The following DESI2 variants were observed in gnomAD, a reference collection of about 807,000 sequenced individuals.
DESI2 encodes desumoylating isopeptidase 2.
A neutral mutation model predicts 24.1 loss-of-function variants in DESI2; 10 were observed. That is an observed-to-expected ratio of 0.41 (90% confidence interval 0.26 to 0.70). The LOEUF is 0.70. DESI2 is among the 30% of genes least tolerant of loss of function. The probability of loss-of-function intolerance (pLI) is 0.29; values close to 1 mark genes in which losing one functional copy is unlikely to be tolerated. For missense variants in DESI2, 122 were observed against 234.9 expected (o/e 0.52, Z 3.14); for synonymous variants, 71 against 87.7 (o/e 0.81, Z 1.06).
chr1:244,693,776 GA>G (rs1346045865), intron 4 of DESI2, among the ~76,000 whole-genome samples: 1 of 152,198 alleles, frequency 6.6e-6, no homozygotes, highest in Non-Finnish European at 1.5e-5. Context: ...TAAGTGACTT[GA>G]CCCAAGGTTA....
At chr1:244,664,020 GAAA>G (rs34195856) in intron 1 of DESI2, among the ~76,000 whole-genome samples, 229 of 89,370 alleles carry the variant, frequency 2.6e-3, no homozygotes, top group African/African-American at 9.7e-3. Flanking sequence ...TCCGTCTCAG[GAAA>G]AAAAAAAAAA....
chr1:244,662,096 C>G (rs922761230), intron 1 of DESI2, among the ~76,000 whole-genome samples: 2 of 152,204 alleles, frequency 1.3e-5, no homozygotes, highest in African/African-American at 2.4e-5. Context: ...TTAATGATCG[C>G]CATTCTAACT....
chr1:244,693,435 C>T (rs886645601), intron 4 of DESI2, among the ~76,000 whole-genome samples: 44 of 146,794 alleles, frequency 3.0e-4, no homozygotes, highest in Non-Finnish European at 5.7e-4. Context: ...ATTGTTTGTT[C>T]TTTTTTTTTT....
At chr1:244,665,566 G>A (rs561215041) in intron 1 of DESI2, among the ~76,000 whole-genome samples, 12 of 152,240 alleles carry the variant, frequency 7.9e-5, no homozygotes, top group East Asian at 1.9e-4. Context: ...GTAGACCATG[G>A]TACCCAGTTT....
At chr1:244,698,552 A>T (rs1345802211) in intron 4 of DESI2, among the ~76,000 whole-genome samples, 1 of 152,230 alleles carries the variant, frequency 6.6e-6, no homozygotes, top group African/African-American at 2.4e-5. Context: ...GCTGCCAAAG[A>T]AAAGTCTCTG....
intron 4 of DESI2, among the ~76,000 whole-genome samples, chr1:244,693,727 AGC>A (rs1486451561): frequency 1.3e-5 from 2 of 152,204 alleles, no homozygotes; most frequent in South Asian, 4.1e-4. Flanking sequence ...CACGGCGCCC[AGC>A]CTAACGCTGA....
At chr1:244,681,453 G>C (rs113590154) in intron 1 of DESI2, among the ~76,000 whole-genome samples, 1,706 of 151,794 alleles carry the variant, frequency 0.011, 35 homozygotes, top group African/African-American at 0.039. Flanking sequence ...TGGCATCAGG[G>C]ACTAGTTTCG....
intron 4 of DESI2, among the ~76,000 whole-genome samples, chr1:244,696,703 T>C (rs972844995): frequency 4.6e-5 from 7 of 152,210 alleles, no homozygotes; most frequent in Admixed American, 3.3e-4. Context: ...AAAACTGCTG[T>C]CCTTAGAAAG....
chr1:244,663,834 C>T (rs892154721), intron 1 of DESI2, among the ~76,000 whole-genome samples: 21 of 151,766 alleles, frequency 1.4e-4, no homozygotes, highest in East Asian at 3.9e-4. Context: ...CTGGCTAACA[C>T]GGTGAAACCC....
chr1:244,694,955 C>T (rs1382622704), intron 4 of DESI2, among the ~76,000 whole-genome samples: 1 of 152,188 alleles, frequency 6.6e-6, no homozygotes, highest in Non-Finnish European at 1.5e-5. Flanking sequence ...TGCTAAGTGG[C>T]TTAAACATTG....
intron 4 of DESI2, among the ~76,000 whole-genome samples, chr1:244,698,199 AGTT>A (rs771850668): frequency 3.9e-5 from 6 of 152,214 alleles, no homozygotes; most frequent in Non-Finnish European, 8.8e-5. Context: ...GCTGCAAAGA[AGTT>A]GTTAGTGGGA....
chr1:244,699,439 G>T (rs1018169381), intron 4 of DESI2, among the ~76,000 whole-genome samples: 2 of 151,630 alleles, frequency 1.3e-5, no homozygotes, highest in South Asian at 2.1e-4. Flanking sequence ...GAAATTAGCC[G>T]GGCATGGTGG....
In DESI2 at chr1:244,686,661, A is replaced by G. The variant is rs1383426599; in HGVS notation, c.107A>G (p.Tyr36Cys). The G allele has an allele frequency of 4.4e-6, 7 of 1,601,832 alleles. No homozygotes were observed. Among genetic ancestry groups the G allele is most frequent in the East Asian group, 2.2e-5 (1 of 44,838 alleles). The change falls in exon 2 of 5, where the codon TAT (tyrosine) becomes TGT (cysteine). Residue 36 changes from tyrosine to cysteine, a missense_variant. Physicochemically the swap from Tyr to Cys is radical, Grantham distance 194. Transcript: ENST00000302550. ...IGVFHSGIEV[Y>C]GREFAYGGHP... The stretch of plus-strand genomic sequence containing the variant: ...GTTTTTCATTCAGGAATTGAAGTCT[A>G]TGGCAGAGGTACGTGTACACACAGT...
intron 1 of DESI2, among the ~76,000 whole-genome samples, chr1:244,661,128 A>G (rs1298420181): frequency 1.3e-5 from 2 of 152,154 alleles, no homozygotes; most frequent in South Asian, 2.1e-4. Context: ...GAACTTTTTT[A>G]TCTTGCAAAA....
At chr1:244,656,006 T>G (rs1232305971) in intron 1 of DESI2, among the ~76,000 whole-genome samples, 1 of 152,244 alleles carries the variant, frequency 6.6e-6, no homozygotes, top group African/African-American at 2.4e-5. Flanking sequence ...GTTATACTAA[T>G]TTTTCTCAAG....
Position 244,653,270 on chromosome 1 carries a change from A to G in DESI2, c.-44A>G. 6.8e-7 allele frequency: 1 copy of G among 1,468,988 alleles called. No homozygotes were observed. The highest frequency in any genetic ancestry group is 9.0e-7 in the Non-Finnish European group (1 of 1,112,430). The allele number at this position is 1,468,988 out of a possible 1,614,324, so 91.0% of individuals were successfully genotyped here. On this transcript the variant is annotated 5_prime_UTR_variant, in exon 1 of 5. Coordinates refer to ENST00000302550, the MANE Select transcript of DESI2 (RefSeq NM_016076.5). The stretch of plus-strand genomic sequence containing the variant: ...GTGAGAGCGGCCTCCGGCCCCGCGG[A>G]GACGGAGCGGCTTGAGGACGAGGCG...
intron 2 of DESI2, among the ~76,000 whole-genome samples, chr1:244,688,480 G>A (rs1360416806): frequency 6.6e-6 from 1 of 152,134 alleles, no homozygotes; most frequent in Non-Finnish European, 1.5e-5. Context: ...TTAAAGTGAT[G>A]AAGTTGATTT....
At chr1:244,685,837 C>T (rs980053624) in intron 1 of DESI2, among the ~76,000 whole-genome samples, 6 of 152,070 alleles carry the variant, frequency 3.9e-5, no homozygotes, top group African/African-American at 1.4e-4. Flanking sequence ...CAGTTTAACC[C>T]CCTCCACTTC....
intron 1 of DESI2, among the ~76,000 whole-genome samples, chr1:244,675,063 A>T (rs1558656331): frequency 1.3e-5 from 2 of 152,212 alleles, no homozygotes; most frequent in Admixed American, 6.5e-5. Flanking sequence ...TAGGTGTGAC[A>T]TGATAGATAA....
Sources: allele counts gnomAD v4.1 joint callset (sites outside exome capture counted in the v4.1 genomes callset), GRCh38; gene constraint gnomAD v4.1.1; transcripts MANE v1.5; gene names NCBI Gene and HGNC (gene_info 2026-07-23, HGNC 2026-07-21).